GPC5: variants seen among roughly 807,000 people sequenced by gnomAD.
The protein encoded by GPC5 is glypican 5.
GPC5 carries 47 observed loss-of-function variants against 53.9 expected under a neutral mutation model. The observed-to-expected ratio is 0.87, with a 90% CI of 0.69 to 1.11. The LOEUF is 1.11. GPC5 is among the 50% of genes most tolerant of loss of function. The pLI, the probability that GPC5 is intolerant of heterozygous loss-of-function variation, is 0.00. For missense variants in GPC5, 748 were observed against 713.1 expected, an observed-to-expected ratio of 1.05 and a Z score of -0.56; for synonymous variants, 286 against 263.3, an observed-to-expected ratio of 1.09 and a Z score of -0.84.
rs142366892 is a variant in GPC5, at chr13:92,459,331, AG to A, written c.1561+314343del. Among the ~76,000 whole-genome samples the A allele has an allele frequency of 3.2e-3, 480 of 152,322 alleles. 1 individual carries two copies. Among genetic ancestry groups the A allele is most frequent in the African/African-American group, 0.011 (444 of 41,584 alleles). Reference sequence around the variant, plus strand: ...CAGGATTCTGTGACTAGGGCTCGTGAGATGTCCTTCACTGATGGGTTGACAG... The same window carrying A: ...CAGGATTCTGTGACTAGGGCTCGTGAATGTCCTTCACTGATGGGTTGACAG... On this transcript the variant is annotated intron_variant, in intron 7 of 7. Transcript: ENST00000377067.
intron 6 of GPC5, among the ~76,000 whole-genome samples, chr13:91,919,020 A>G (rs1166170588): frequency 6.6e-6 from 1 of 152,156 alleles, no homozygotes; most frequent in African/African-American, 2.4e-5. Context: ...CAAAATCAAC[A>G]TGGCCAGAAC....
At chr13:92,209,829 T>C (rs1174695403) in intron 7 of GPC5, among the ~76,000 whole-genome samples, 1 of 152,156 alleles carries the variant, frequency 6.6e-6, no homozygotes, top group African/African-American at 2.4e-5. Context: ...TTAAGGAATA[T>C]TGACTCACAC....
At chr13:91,966,006 T>G (rs2040177273) in intron 6 of GPC5, among the ~76,000 whole-genome samples, 2 of 152,196 alleles carry the variant, frequency 1.3e-5, no homozygotes, top group Admixed American at 1.3e-4. Flanking sequence ...TAGAATTGGA[T>G]GTACTTACTA....
intron 7 of GPC5, among the ~76,000 whole-genome samples, chr13:92,264,878 C>CTGTGTGTG (rs71815584): frequency 1.2e-3 from 124 of 104,756 alleles, no homozygotes; most frequent in South Asian, 8.6e-3. Context: ...CTCTCTCTCT[C>CTGTGTGTG]TGTGTGTGTG....
intron 6 of GPC5, among the ~76,000 whole-genome samples, chr13:92,072,255 A>G (rs1226242890): frequency 6.7e-6 from 1 of 150,152 alleles, no homozygotes; most frequent in African/African-American, 2.4e-5. Flanking sequence ...TTTTCTGCTA[A>G]TTTTAATTTT....
At chr13:92,158,339 T>G (rs2041960408) in intron 7 of GPC5, among the ~76,000 whole-genome samples, 1 of 152,186 alleles carries the variant, frequency 6.6e-6, no homozygotes, top group Admixed American at 6.5e-5. Context: ...AAGAATGGAT[T>G]TATTCAACTG....
chr13:92,154,773 CTT>C (rs1453965184), intron 7 of GPC5, among the ~76,000 whole-genome samples: 2 of 152,154 alleles, frequency 1.3e-5, no homozygotes, highest in Admixed American at 6.5e-5. Context: ...TTACATGAGA[CTT>C]TATTTGTTTT....
At chr13:91,802,551 C>T (rs1444170357) in intron 5 of GPC5, among the ~76,000 whole-genome samples, 1 of 152,130 alleles carries the variant, frequency 6.6e-6, no homozygotes, top group African/African-American at 2.4e-5. Context: ...CTTTTATTCC[C>T]TTATTTGGCC....
intron 7 of GPC5, among the ~76,000 whole-genome samples, chr13:92,296,831 T>C (rs4505184): frequency 0.49 from 74,360 of 152,134 alleles, 20,536 homozygotes; most frequent in African/African-American, 0.77. Context: ...GGAGGGTGTA[T>C]TGGGTCCCCC....
intron 7 of GPC5, among the ~76,000 whole-genome samples, chr13:92,176,696 C>T (rs2042111016): frequency 6.6e-6 from 1 of 152,160 alleles, no homozygotes; most frequent in Non-Finnish European, 1.5e-5. Context: ...CATTTTTGAA[C>T]CTCCCTCCAG....
At chr13:91,416,825 C>A (rs1343433153) in intron 1 of GPC5, among the ~76,000 whole-genome samples, 2 of 152,134 alleles carry the variant, frequency 1.3e-5, no homozygotes, top group African/African-American at 4.8e-5. Context: ...TGTATGTTTG[C>A]CACATTTTCT....
chr13:91,833,272 A>G (rs1247341691), intron 5 of GPC5, among the ~76,000 whole-genome samples: 1 of 152,142 alleles, frequency 6.6e-6, no homozygotes, highest in Non-Finnish European at 1.5e-5. Context: ...AACCAAAAAA[A>G]CCTCAAGACT....
chr13:92,556,388 G>T (rs1307997455), intron 7 of GPC5, among the ~76,000 whole-genome samples: 2 of 151,592 alleles, frequency 1.3e-5, no homozygotes, highest in Non-Finnish European at 2.9e-5. Flanking sequence ...TTCTACTAGA[G>T]TACTAGTCTT....
intron 7 of GPC5, among the ~76,000 whole-genome samples, chr13:92,168,101 A>G (rs563023682): frequency 6.6e-6 from 1 of 152,256 alleles, no homozygotes; most frequent in Middle Eastern, 3.4e-3. Context: ...TGGCCCTGAT[A>G]AAAAGCCACA....
intron 5 of GPC5, among the ~76,000 whole-genome samples, chr13:91,843,746 C>A (rs1015901085): frequency 6.6e-6 from 1 of 152,060 alleles, no homozygotes; most frequent in East Asian, 1.9e-4. Flanking sequence ...TTGGATGCAT[C>A]TGGAATGTTT....
At chr13:92,727,945 G>A (rs1422712468) in intron 7 of GPC5, among the ~76,000 whole-genome samples, 3 of 151,266 alleles carry the variant, frequency 2.0e-5, no homozygotes, top group Admixed American at 1.3e-4. Context: ...ATAAAAATGT[G>A]TATGCTTTTG....
intron 7 of GPC5, among the ~76,000 whole-genome samples, chr13:92,631,967 C>T (rs1419740323): frequency 6.6e-6 from 1 of 152,150 alleles, no homozygotes; most frequent in Non-Finnish European, 1.5e-5. Context: ...AAATAATCCT[C>T]AATCTGAAAC....
chr13:92,699,980 C>G (rs1269015086), intron 7 of GPC5, among the ~76,000 whole-genome samples: 1 of 152,064 alleles, frequency 6.6e-6, no homozygotes, highest in African/African-American at 2.4e-5. Flanking sequence ...TCCTGGATAT[C>G]CTTGTTAATA....
At chr13:92,830,797 T>C (rs1878020537) in intron 7 of GPC5, among the ~76,000 whole-genome samples, 2 of 152,182 alleles carry the variant, frequency 1.3e-5, no homozygotes, top group Admixed American at 1.3e-4. Flanking sequence ...ATTTGAATTC[T>C]GCAAGTATCA....
Sources: allele counts gnomAD v4.1 joint callset (sites outside exome capture counted in the v4.1 genomes callset), GRCh38; gene constraint gnomAD v4.1.1; transcripts MANE v1.5; gene names NCBI Gene and HGNC (gene_info 2026-07-23, HGNC 2026-07-21).